The following MAST2 variants were observed in gnomAD, a reference collection of about 807,000 sequenced individuals.
MAST2 encodes the protein microtubule-associated serine/threonine-protein kinase 2.
In MAST2, 70 loss-of-function variants were observed where a neutral mutation model predicts 147.4. The ratio of observed to expected loss-of-function variants is 0.47; its 90% CI spans 0.39 to 0.58. MAST2 has a LOEUF of 0.58. Ranked by LOEUF, MAST2 falls within the 20% of genes least tolerant of loss-of-function variation. The pLI is 0.00. For synonymous variants in MAST2, 869 were observed against 896.8 expected (o/e 0.97, Z 0.55); for missense variants, 2,080 against 2,302.3 (o/e 0.90, Z 1.98).
Position 46,034,838 on chromosome 1 carries a change from G to C in MAST2, c.4169G>C (p.Arg1390Pro), listed in dbSNP as rs1490320007. Residue 1390 changes from arginine to proline, a missense_variant, in exon 29 of 29, where the codon CGG (arginine) becomes CCG (proline). Around this residue, in one of 4 missense-constraint regions of MAST2, gnomAD observed 1,278 missense variants for 1,304.2 expected, o/e 0.98. Coordinates refer to ENST00000361297, the MANE Select transcript of MAST2 (RefSeq NM_015112.3). ...LSPPLGRQLS[R>P]PKSAEPPRSP... is the part of the protein sequence containing the mutation. ...CCTCCCCTGGGCAGGCAACTCTCAC[G>C]GCCCAAGAGTGCGGAGCCACCCCGT... 6.2e-7 allele frequency: 1 copy of C among 1,614,124 alleles called. No individual in the cohort carries two copies.
intron 10 of MAST2, among the ~76,000 whole-genome samples, chr1:46,017,564 A>G (rs1646007664): frequency 6.6e-6 from 1 of 152,190 alleles, no homozygotes; most frequent in South Asian, 2.1e-4. Context: ...AACACATGAA[A>G]AAATGCTCAC....
chr1:45,942,170 C>A (rs191397328), intron 4 of MAST2, among the ~76,000 whole-genome samples: 56 of 150,996 alleles, frequency 3.7e-4, no homozygotes, highest in African/African-American at 1.4e-3. Context: ...TTAACTGAAC[C>A]AGCTCAAGTT....
chr1:45,900,195 A>AAAAAAAAAAAAAAAAAAAAATT (rs1553226994), intron 4 of MAST2, among the ~76,000 whole-genome samples: 2 of 93,184 alleles, frequency 2.1e-5, no homozygotes, highest in African/African-American at 9.2e-5. Flanking sequence ...AAAAAAAAAA[A>AAAAAAAAAAAAAAAAAAAAATT]GATTTACCCT....
chr1:46,009,951 T>TC (rs965372550), intron 9 of MAST2, among the ~76,000 whole-genome samples: 4 of 152,172 alleles, frequency 2.6e-5, no homozygotes, highest in African/African-American at 9.7e-5. Context: ...TGTGTATCTG[T>TC]CATTTTGACA....
intron 4 of MAST2, among the ~76,000 whole-genome samples, chr1:45,915,581 G>A (rs1570695585): frequency 6.6e-6 from 1 of 152,036 alleles, no homozygotes; most frequent in South Asian, 2.1e-4. Context: ...GTGGTGGCGG[G>A]CGCCTGTAAT....
At chr1:45,874,374 TG>T in intron 3 of MAST2, among the ~76,000 whole-genome samples, 1 of 152,166 alleles carries the variant, frequency 6.6e-6, no homozygotes, top group East Asian at 1.9e-4. Context: ...AGATAGTAAA[TG>T]ATATTAACAT....
chr1:45,938,029 G>C (rs1310397604), intron 4 of MAST2, among the ~76,000 whole-genome samples: 1 of 152,064 alleles, frequency 6.6e-6, no homozygotes, highest in Admixed American at 6.5e-5. Context: ...TTTTGGTTCT[G>C]TATTATGTGC....
intron 4 of MAST2, among the ~76,000 whole-genome samples, chr1:45,907,987 TTTG>T (rs1449702607): frequency 1.3e-5 from 2 of 152,192 alleles, no homozygotes; most frequent in Non-Finnish European, 2.9e-5. Flanking sequence ...TGTCTTTAGA[TTTG>T]TTGTGATAAC....
At chr1:45,836,088 A>G (rs1199245987) in intron 3 of MAST2, among the ~76,000 whole-genome samples, 1 of 152,120 alleles carries the variant, frequency 6.6e-6, no homozygotes, top group African/African-American at 2.4e-5. Context: ...TGTTTTGAAT[A>G]CTTGTTTTCT....
intron 4 of MAST2, among the ~76,000 whole-genome samples, chr1:45,903,778 C>G (rs1650199770): frequency 6.6e-6 from 1 of 152,176 alleles, no homozygotes; most frequent in Non-Finnish European, 1.5e-5. Context: ...TGGATTCTTC[C>G]TGAATCGGGT....
intron 4 of MAST2, among the ~76,000 whole-genome samples, chr1:45,937,874 A>G (rs768850614): frequency 1.8e-4 from 27 of 152,102 alleles, no homozygotes; most frequent in African/African-American, 5.1e-4. Flanking sequence ...AAGGGATTCA[A>G]TGGTTTTTAC....
chr1:45,820,115 G>T (rs1186779188), intron 1 of MAST2, among the ~76,000 whole-genome samples: 1 of 152,138 alleles, frequency 6.6e-6, no homozygotes, highest in South Asian at 2.1e-4. Flanking sequence ...ACAATAAATG[G>T]TTCTCGGAAA....
intron 4 of MAST2, among the ~76,000 whole-genome samples, chr1:45,895,001 C>T (rs1245176471): frequency 6.6e-6 from 1 of 152,070 alleles, no homozygotes; most frequent in Non-Finnish European, 1.5e-5. Context: ...TAACTACAAC[C>T]ACAATTAATA....
chr1:46,007,819 C>T (rs1645549674), intron 8 of MAST2, among the ~76,000 whole-genome samples: 1 of 152,198 alleles, frequency 6.6e-6, no homozygotes, highest in African/African-American at 2.4e-5. Flanking sequence ...CTGGACTGGC[C>T]TCATTCATCC....
chr1:45,887,304 C>T (rs1172618810), intron 4 of MAST2, among the ~76,000 whole-genome samples: 1 of 152,152 alleles, frequency 6.6e-6, no homozygotes, highest in Non-Finnish European at 1.5e-5. Context: ...TTCTTAGAGG[C>T]TATGAGCAGT....
chr1:45,953,856 A>G lies in MAST2; in HGVS notation c.501-5530A>G, dbSNP rs370211470. On this transcript the variant is annotated intron_variant, in intron 4 of 28. Transcript: ENST00000361297. ...GGAGGGTATTGAAATCCAGGTAAGCAATAAATAATATATCAATAATAATAT... is the reference window on the plus strand; with the variant it reads ...GGAGGGTATTGAAATCCAGGTAAGCGATAAATAATATATCAATAATAATAT... Among the ~76,000 whole-genome samples the G allele has an allele frequency of 1.8e-4, 28 of 152,346 alleles. 1 individual carries two copies. In the East Asian group the frequency reaches 3.3e-3, roughly 18 times the overall value.
rs1646280777 is a variant in MAST2, at chr1:46,023,615, T to C, written c.1572-157T>C. On this transcript the variant is annotated intron_variant, in intron 14 of 28. Transcript: ENST00000361297. The surrounding 1 kb of genome is among the most constrained non-coding windows in gnomAD (Gnocchi z 4.9). ...TCTATCAAGAAGTTTAAGAGTTCTA[T>C]GGACCAGGGGGTCCCAGACCCTTCT... The C allele has an allele frequency of 2.9e-6, 2 of 678,578 alleles. No individual in the cohort carries two copies. Among genetic ancestry groups the C allele is most frequent in the Non-Finnish European group, 5.0e-6 (2 of 398,378 alleles). 42.0% of individuals were successfully genotyped at this position (678,578 alleles called of 1,614,324 possible). A position where few individuals can be genotyped will look rare whatever the true frequency, so the allele number is the denominator to read the frequency against.
At chr1:45,980,836 A>C (rs781557997) in intron 5 of MAST2, among the ~76,000 whole-genome samples, 14 of 151,924 alleles carry the variant, frequency 9.2e-5, no homozygotes, top group Non-Finnish European at 1.6e-4. Context: ...ATGCTGGCCC[A>C]GAATGTTGTT....
At chr1:45,879,502 G>A (rs931420496) in intron 3 of MAST2, among the ~76,000 whole-genome samples, 16 of 150,006 alleles carry the variant, frequency 1.1e-4, no homozygotes, top group Non-Finnish European at 2.2e-4. Flanking sequence ...GAACCCAGGA[G>A]GTGGAGGTTG....
Sources: allele counts gnomAD v4.1 joint callset (sites outside exome capture counted in the v4.1 genomes callset), GRCh38; gene constraint gnomAD v4.1.1; regional missense constraint gnomAD v4.1.1; non-coding constraint Gnocchi (gnomAD v3.1); transcripts MANE v1.5; gene names NCBI Gene and HGNC (gene_info 2026-07-23, HGNC 2026-07-21).